Variants in RNF144A observed in about 807,000 individuals in gnomAD.
RNF144A encodes the protein E3 ubiquitin-protein ligase RNF144A.
RNF144A carries 11 observed loss-of-function variants against 38.7 expected under a neutral mutation model. The ratio of observed to expected loss-of-function variants is 0.28; its 90% CI spans 0.18 to 0.47. The LOEUF is 0.47. Ranked by LOEUF, RNF144A falls within the 20% of genes least tolerant of loss-of-function variation. RNF144A has a pLI of 0.99. For missense variants in RNF144A, 316 were observed against 377.2 expected (o/e 0.84, Z 1.34); for synonymous variants, 149 against 143.9 (o/e 1.04, Z -0.25).
intron 8 of RNF144A, among the ~76,000 whole-genome samples, chr2:7,034,156 A>G (rs1558451359): frequency 6.6e-6 from 1 of 152,072 alleles, no homozygotes; most frequent in Non-Finnish European, 1.5e-5. Context: ...GACAGGAGTA[A>G]CACCACCTCT....
Position 6,926,324 on chromosome 2 carries a change from G to A in RNF144A, c.-212+8702G>A, listed in dbSNP as rs76970491. ...GGGCCCAGTGCCAGAGCTGGGCTGC[G>A]TGGCCGGCTCCTGGAGAAAGAGAAG... On this transcript the variant is annotated intron_variant, in intron 1 of 8. Coordinates refer to ENST00000320892, the MANE Select transcript of RNF144A (RefSeq NM_014746.6). Among the ~76,000 whole-genome samples the A allele has an allele frequency of 6.6e-5, 10 of 152,362 alleles. 1 individual carries two copies. The East Asian group carries it at 9.6e-4, about 15-fold the overall frequency.
At chr2:6,953,961 A>G (rs771314) in intron 2 of RNF144A, among the ~76,000 whole-genome samples, 2 of 152,004 alleles carry the variant, frequency 1.3e-5, no homozygotes, top group East Asian at 3.9e-4. Context: ...ATGAATTAAG[A>G]CTTTTATAAT....
rs1483467674 is a variant in RNF144A at position 7,015,497 on chromosome 2, T to TG, written c.301+728dup. ...GCCTGATGCAGACCCAGGGGTCCTC[T>TG]GGGAGAGCAGTGTGGCAGGTGCACA... On this transcript the variant is annotated intron_variant, in intron 5 of 8. Coordinates refer to ENST00000320892, the MANE Select transcript of RNF144A (RefSeq NM_014746.6). 2.0e-5 allele frequency among the ~76,000 whole-genome samples: 3 copies of TG among 152,174 alleles called. No individual in the cohort carries two copies. In the South Asian group the frequency reaches 6.2e-4, roughly 32 times the overall value.
chr2:7,005,632 A>T (rs1398720310), intron 3 of RNF144A, among the ~76,000 whole-genome samples: 3 of 151,988 alleles, frequency 2.0e-5, no homozygotes, highest in Non-Finnish European at 4.4e-5. Flanking sequence ...CAGCTTCCTG[A>T]CCTCCTTTGT....
At chr2:7,007,660 C>A (rs1476743973) in intron 3 of RNF144A, among the ~76,000 whole-genome samples, 1 of 152,154 alleles carries the variant, frequency 6.6e-6, no homozygotes, top group East Asian at 1.9e-4. Flanking sequence ...AAGTGACAGG[C>A]CGAGTCCCTG....
downstream of RNF144A, among the ~76,000 whole-genome samples, chr2:7,069,224 A>G (rs779125603): frequency 4.6e-5 from 7 of 152,180 alleles, no homozygotes; most frequent in Non-Finnish European, 7.4e-5. Context: ...ATTGCCTCCC[A>G]CTGTCTCCTG....
chr2:7,026,573 C>T (rs1328996212), intron 7 of RNF144A, among the ~76,000 whole-genome samples: 2 of 149,632 alleles, frequency 1.3e-5, no homozygotes, highest in Non-Finnish European at 3.0e-5. Context: ...ATTTATTACT[C>T]TTTGTAACTT....
chr2:6,994,203 C>T (rs1669573913), intron 2 of RNF144A, among the ~76,000 whole-genome samples: 1 of 152,122 alleles, frequency 6.6e-6, no homozygotes, highest in South Asian at 2.1e-4. Context: ...ACAAGCTCTC[C>T]CCAGATCTCC....
intron 6 of RNF144A, among the ~76,000 whole-genome samples, chr2:7,066,638 A>G (rs543717430): frequency 1.3e-5 from 2 of 152,376 alleles, no homozygotes; most frequent in Admixed American, 6.5e-5. Context: ...GGAATGTTGT[A>G]TCTTCAGATA....
At chr2:6,956,075 G>T (rs1211290384) in intron 2 of RNF144A, among the ~76,000 whole-genome samples, 1 of 152,102 alleles carries the variant, frequency 6.6e-6, no homozygotes, top group African/African-American at 2.4e-5. Context: ...AGCCCTCTGG[G>T]ACCTTTAAAA....
chr2:6,990,845 C>A (rs1669321876), intron 2 of RNF144A, among the ~76,000 whole-genome samples: 1 of 152,150 alleles, frequency 6.6e-6, no homozygotes, highest in Admixed American at 6.6e-5. Flanking sequence ...CCCAATCATC[C>A]CTTCCTCTCC....
intron 2 of RNF144A, among the ~76,000 whole-genome samples, chr2:6,971,133 T>C (rs881938): frequency 0.51 from 77,387 of 152,084 alleles, 20,029 homozygotes; most frequent in Middle Eastern, 0.56. Context: ...GGTGTGTGGT[T>C]ACTGGGTTTC....
chr2:6,959,318 GC>G (rs1243185764), intron 2 of RNF144A, among the ~76,000 whole-genome samples: 1 of 152,174 alleles, frequency 6.6e-6, no homozygotes, highest in Non-Finnish European at 1.5e-5. Flanking sequence ...GGATTGAAAG[GC>G]GGGATGGAAG....
chr2:6,984,626 G>A (rs891259283), intron 2 of RNF144A, among the ~76,000 whole-genome samples: 2 of 152,222 alleles, frequency 1.3e-5, no homozygotes, highest in African/African-American at 4.8e-5. Flanking sequence ...TGATTGGAAG[G>A]ATGTCTCTGC....
chr2:7,057,193 T>C (rs1288303814), intron 6 of RNF144A, among the ~76,000 whole-genome samples: 1 of 152,214 alleles, frequency 6.6e-6, no homozygotes, highest in Non-Finnish European at 1.5e-5. Flanking sequence ...ATACAACAGA[T>C]TGAAACAATG....
intron 1 of RNF144A, among the ~76,000 whole-genome samples, chr2:6,931,138 C>T (rs966461883): frequency 5.3e-5 from 8 of 152,212 alleles, no homozygotes; most frequent in Non-Finnish European, 8.8e-5. Context: ...AGTCCAGAAG[C>T]ATCTCCTAGT....
intron 6 of RNF144A, among the ~76,000 whole-genome samples, chr2:7,061,195 G>A (rs561775488): frequency 1.4e-4 from 22 of 152,240 alleles, no homozygotes; most frequent in East Asian, 5.8e-4. Flanking sequence ...AATTCCCGAC[G>A]TCCAGGCAAA....
intron 2 of RNF144A, among the ~76,000 whole-genome samples, chr2:6,973,758 T>C (rs1317878858): frequency 1.3e-5 from 2 of 152,232 alleles, no homozygotes; most frequent in Non-Finnish European, 2.9e-5. Flanking sequence ...ATATGGTCCA[T>C]GGGCCAAATC....
At chr2:7,051,641 C>T (rs1233773008) in intron 6 of RNF144A, among the ~76,000 whole-genome samples, 2 of 152,192 alleles carry the variant, frequency 1.3e-5, no homozygotes, top group Non-Finnish European at 2.9e-5. Context: ...GTAATCCCAG[C>T]ACTTTGGGAG....
Sources: gnomAD v4.1 joint callset for allele counts (sites outside exome capture counted in the v4.1 genomes callset) on GRCh38, gnomAD v4.1.1 for gene constraint, MANE v1.5 for transcripts, NCBI Gene and HGNC (gene_info 2026-07-23, HGNC 2026-07-21) for gene names.